Variants in ZFP64 observed in about 807,000 individuals in gnomAD.
The protein encoded by ZFP64 is ZFP64 zinc finger protein.
ZFP64 carries 14 observed loss-of-function variants against 51.6 expected under a neutral mutation model. The observed-to-expected ratio is 0.27, with a 90% confidence interval of 0.18 to 0.42. ZFP64 has a LOEUF of 0.42. Ranked by LOEUF, ZFP64 falls within the 10% of genes least tolerant of loss-of-function variation. The pLI, the probability that ZFP64 is intolerant of heterozygous loss-of-function variation, is 1.00. For synonymous variants in ZFP64, 375 were observed against 361.4 expected, an observed-to-expected ratio of 1.04 and a Z score of -0.43; for missense variants, 754 against 906.8, an observed-to-expected ratio of 0.83 and a Z score of 2.16.
intron 5 of ZFP64, among the ~76,000 whole-genome samples, chr20:52,136,887 C>T (rs1980008958): frequency 6.6e-6 from 1 of 152,158 alleles, no homozygotes; most frequent in Non-Finnish European, 1.5e-5. Flanking sequence ...GCCTCAGCCT[C>T]CTGAATAGCC....
Position 52,123,247 on chromosome 20 carries a change from G to A in ZFP64, c.764-24660C>T, listed in dbSNP as rs868849324. On this transcript the variant is annotated intron_variant, in intron 5 of 8. Coordinates refer to the ZFP64 transcript ENST00000361387. ...ACCCAGTCTTGAACTCCTGACCTCA[G>A]GTGATCCATCTCAGCCTCCCAAACT... Among the ~76,000 whole-genome samples, 10 of 152,136 alleles carry A rather than the reference G, an allele frequency of 6.6e-5. 1 individual carries two copies. The highest frequency in any genetic ancestry group is 1.3e-4 in the Admixed American group (2 of 15,260).
chr20:52,101,778 A>C (rs896434516), intron 5 of ZFP64, among the ~76,000 whole-genome samples: 1 of 151,788 alleles, frequency 6.6e-6, no homozygotes, highest in African/African-American at 2.4e-5. Flanking sequence ...CTTGCTACTC[A>C]AAGGGTGGTC....
intron 2 of ZFP64, among the ~76,000 whole-genome samples, chr20:52,172,420 G>A (rs1406070946): frequency 6.6e-5 from 10 of 152,074 alleles, no homozygotes; most frequent in African/African-American, 1.9e-4. Context: ...ACTGCAAGTC[G>A]GGCACACTGC....
chr20:52,118,584 C>T (rs945181300), intron 5 of ZFP64, among the ~76,000 whole-genome samples: 1 of 152,202 alleles, frequency 6.6e-6, no homozygotes, highest in Admixed American at 6.5e-5. Flanking sequence ...CTGACATTTT[C>T]TACTAGGGCA....
chr20:52,084,397 G>C (rs897677981), exon 9 of ZFP64: 4 of 673,762 alleles, frequency 5.9e-6, no homozygotes, highest in Non-Finnish European at 9.8e-6. Context: ...CTTTGCTTTC[G>C]TCACTGTCGC....
In ZFP64 at chr20:52,151,431, CA is replaced by C; in HGVS notation, c.*714del. On this transcript the variant is annotated 3_prime_UTR_variant, in exon 6 of 6. Transcript: ENST00000216923. ...TACATGTATAAAACATGAACACCCCCAAACTCTGGGGAGTATTCCAGAATGG... is the reference window on the plus strand; with the variant it reads ...TACATGTATAAAACATGAACACCCCCAACTCTGGGGAGTATTCCAGAATGG... 4 of 985,394 alleles carry C rather than the reference CA, an allele frequency of 4.1e-6. No individual in the cohort carries two copies. In the East Asian group the frequency reaches 3.4e-4, roughly 84 times the overall value. 61.0% of individuals were successfully genotyped at this position (985,394 alleles called of 1,614,324 possible).
intron 5 of ZFP64, chr20:52,110,957 T>A (rs1234905420): frequency 6.5e-7 from 1 of 1,540,178 alleles, no homozygotes; most frequent in African/African-American, 1.4e-5. Context: ...GTGTTGAACT[T>A]CACCAAGACG....
chr20:52,143,533 G>T (rs1419548430), intron 5 of ZFP64, among the ~76,000 whole-genome samples: 1 of 140,894 alleles, frequency 7.1e-6, no homozygotes, highest in Non-Finnish European at 1.6e-5. Context: ...GCTATTTTAC[G>T]ACTTAGTTTT....
At chr20:52,142,793 T>C (rs1980339590) in intron 5 of ZFP64, among the ~76,000 whole-genome samples, 1 of 112,954 alleles carries the variant, frequency 8.9e-6, no homozygotes, top group South Asian at 3.2e-4. Flanking sequence ...TGAGTTGAGA[T>C]CATGCCATTG....
Position 52,097,972 on chromosome 20 carries a change from G to A in ZFP64, c.913+466C>T, listed in dbSNP as rs572379634. On this transcript the variant is annotated intron_variant, in intron 6 of 8. Transcript: ENST00000361387. ...AGTCCCAACTACTCAGGGGGCGGATGAGGGAAGATCACATGCACCCAGTGA... is the reference window on the plus strand; with the variant it reads ...AGTCCCAACTACTCAGGGGGCGGATAAGGGAAGATCACATGCACCCAGTGA... Among the ~76,000 whole-genome samples the A allele has an allele frequency of 4.5e-4, 69 of 152,212 alleles. 2 individuals carry two copies. Among genetic ancestry groups the A allele is most frequent in the Admixed American group, 1.0e-3 (16 of 15,282 alleles).
rs533587833 is a variant in ZFP64 at position 52,186,992 on chromosome 20, G to A, written c.126C>T (p.Asn42=). Residue 42 remains asparagine (N), a synonymous_variant, in exon 2 of 6, where the codon AAC becomes AAT. Coordinates refer to ENST00000216923, the MANE Select transcript of ZFP64 (RefSeq NM_018197.3). ...ICGICKQQFN[N]LDAFVAHKQS... is the part of the protein sequence containing the mutation. ...GCTTGTGAGCTACAAAGGCATCCAG[G>A]TTGTTAAACTGCTGCTTGCAGATGC... 6 of 1,614,140 alleles carry A rather than the reference G, an allele frequency of 3.7e-6. No individual in the cohort carries two copies. The South Asian group carries it at 5.5e-5, about 15-fold the overall frequency.
At chr20:52,187,162 G>T in intron 1 of ZFP64, 91 bp from the exon 2 acceptor site, 1 of 1,408,900 alleles carries the variant, frequency 7.1e-7, no homozygotes, top group Non-Finnish European at 9.6e-7. Context: ...AAAAGGCATG[G>T]TGGCAGACAT....
intron 2 of ZFP64, among the ~76,000 whole-genome samples, chr20:52,174,092 C>T (rs890886508): frequency 6.6e-6 from 1 of 152,102 alleles, no homozygotes; most frequent in Non-Finnish European, 1.5e-5. Flanking sequence ...CATTACTGTT[C>T]CCCCTGCACC....
intron 1 of ZFP64, among the ~76,000 whole-genome samples, chr20:52,188,831 C>T (rs1303226296): frequency 6.6e-6 from 1 of 151,634 alleles, no homozygotes; most frequent in Non-Finnish European, 1.5e-5. Context: ...AAAAAATTAG[C>T]CCGGCGTGGT....
At chr20:52,182,199 C>T (rs1238441845) in intron 2 of ZFP64, among the ~76,000 whole-genome samples, 1 of 152,216 alleles carries the variant, frequency 6.6e-6, no homozygotes, top group African/African-American at 2.4e-5. Context: ...GATTTGCTCA[C>T]AGCCTAGGGC....
At chr20:52,119,091 A>T (rs1295239793) in intron 5 of ZFP64, among the ~76,000 whole-genome samples, 1 of 151,990 alleles carries the variant, frequency 6.6e-6, no homozygotes, top group Admixed American at 6.6e-5. Flanking sequence ...GCTGCAATGA[A>T]CTATGATCAT....
chr20:52,088,496 T>G, exon 8 of ZFP64: 3 of 1,614,196 alleles, frequency 1.9e-6, no homozygotes, highest in Non-Finnish European at 2.5e-6. Context: ...CCGCAGGTGC[T>G]TCTTGAGGCT....
At chr20:52,190,848 C>T (rs1304939375) in intron 1 of ZFP64, among the ~76,000 whole-genome samples, 1 of 152,040 alleles carries the variant, frequency 6.6e-6, no homozygotes, top group East Asian at 1.9e-4. Flanking sequence ...TCAGAGTTGC[C>T]CAGGCAGCTA....
chr20:52,106,104 C>T (rs1978313650), intron 5 of ZFP64, among the ~76,000 whole-genome samples: 1 of 152,308 alleles, frequency 6.6e-6, no homozygotes, highest in East Asian at 1.9e-4. Context: ...GACTCGGGCG[C>T]ACCGGCTCTT....
Sources: gnomAD v4.1 joint callset for allele counts (sites outside exome capture counted in the v4.1 genomes callset) on GRCh38, gnomAD v4.1.1 for gene constraint, MANE v1.5 for transcripts, NCBI Gene and HGNC (gene_info 2026-07-23, HGNC 2026-07-21) for gene names.